The following TRIM67 variants were observed in gnomAD, a reference collection of about 807,000 sequenced individuals.
TRIM67 encodes the protein tripartite motif containing 67, also known as tripartite motif-containing protein 67.
TRIM67 carries 39 observed loss-of-function variants against 71.0 expected under a neutral mutation model. The observed-to-expected ratio is 0.55, with a 90% CI of 0.43 to 0.72. TRIM67 has a LOEUF of 0.72. Among genes scored for constraint, TRIM67 ranks in the 30% least tolerant of loss-of-function variants. TRIM67 has a pLI of 0.00. For missense variants in TRIM67, 973 were observed against 1,079.2 expected (o/e 0.90, Z 1.38); for synonymous variants, 481 against 473.9 (o/e 1.01, Z -0.19).
intron 8 of TRIM67, among the ~76,000 whole-genome samples, chr1:231,210,822 T>G (rs1015201297): frequency 1.3e-5 from 2 of 151,778 alleles, no homozygotes; most frequent in Non-Finnish European, 2.9e-5. Context: ...GAAGGATTGC[T>G]TGAGCCCAGG....
intron 1 of TRIM67, among the ~76,000 whole-genome samples, chr1:231,178,442 G>C (rs1682812412): frequency 6.6e-6 from 1 of 152,212 alleles, no homozygotes; most frequent in Admixed American, 6.5e-5. Context: ...TTCAATAAAA[G>C]AAAGCCACTA....
chr1:231,168,568 T>A (rs113920588), intron 1 of TRIM67, among the ~76,000 whole-genome samples: 5,959 of 152,328 alleles, frequency 0.039, 195 homozygotes, highest in African/African-American at 0.09. Flanking sequence ...CAATTAAAAA[T>A]TCACGTGGAT....
At chr1:231,198,577 G>T (rs1485026053) in intron 2 of TRIM67, among the ~76,000 whole-genome samples, 1 of 152,122 alleles carries the variant, frequency 6.6e-6, no homozygotes, top group African/African-American at 2.4e-5. Flanking sequence ...GTGGGGACGG[G>T]GTTTCTCCAT....
chr1:231,172,462 T>C (rs917848949), intron 1 of TRIM67, among the ~76,000 whole-genome samples: 32 of 152,174 alleles, frequency 2.1e-4, no homozygotes, highest in African/African-American at 7.7e-4. Context: ...ATTTTACATA[T>C]GGCTACAGTG....
intron 1 of TRIM67, chr1:231,184,967 A>C (rs1683021052): frequency 2.0e-6 from 3 of 1,480,758 alleles, no homozygotes; most frequent in African/African-American, 1.4e-5. Flanking sequence ...TTGCTGGATA[A>C]ACACCCAGCA....
At chr1:231,196,810 C>T in intron 1 of TRIM67, among the ~76,000 whole-genome samples, 1 of 152,292 alleles carries the variant, frequency 6.6e-6, no homozygotes, top group African/African-American at 2.4e-5. Context: ...GGGTACCAGG[C>T]TAGGAGCCTG....
chr1:231,163,710 G>A lies in TRIM67; in HGVS notation c.741G>A (p.Lys247=). 6.6e-7 allele frequency: 1 copy of A among 1,505,452 alleles called. No homozygotes were observed. The highest frequency in any genetic ancestry group is 8.9e-7 in the Non-Finnish European group (1 of 1,128,574). The allele number at this position is 1,505,452 out of a possible 1,614,324, so 93.3% of individuals were successfully genotyped here. Residue 247 remains lysine (K), a synonymous_variant, in exon 1 of 10, where the codon AAG becomes AAA. Transcript: ENST00000366653. ...ATCCATCCCGGGGACCCTTCGCCAA[G>A]CATCGCCTGGTGCAGCCGCCGCCGC... ...KCHPSRGPFA[K]HRLVQPPPPP...
At chr1:231,206,009 C>A (rs908623712) in intron 6 of TRIM67, among the ~76,000 whole-genome samples, 3 of 152,224 alleles carry the variant, frequency 2.0e-5, no homozygotes, top group African/African-American at 4.8e-5. Context: ...CTCGCCGCCT[C>A]GCAGGCAGAG....
intron 1 of TRIM67, among the ~76,000 whole-genome samples, chr1:231,164,279 T>TAGGCACAGGGCACCCAAAACGC (rs1682390576): frequency 6.6e-6 from 1 of 152,220 alleles, no homozygotes; most frequent in African/African-American, 2.4e-5. Context: ...AGGATTTATG[T>TAGGCACAGGGCACCCAAAACGC]AGGCACAGGG....
chr1:231,176,050 G>A (rs2102720662), intron 1 of TRIM67, among the ~76,000 whole-genome samples: 1 of 152,312 alleles, frequency 6.6e-6, no homozygotes, highest in Non-Finnish European at 1.5e-5. Flanking sequence ...CCCAGTTAAA[G>A]CTGTTCAATT....
At chr1:231,177,049 A>G (rs1376938335) in intron 1 of TRIM67, among the ~76,000 whole-genome samples, 2 of 152,184 alleles carry the variant, frequency 1.3e-5, no homozygotes, top group African/African-American at 4.8e-5. Context: ...GGGCAGGGAT[A>G]TGGACTTACT....
At chr1:231,171,802 C>CA (rs1457719103) in intron 1 of TRIM67, among the ~76,000 whole-genome samples, 1 of 151,946 alleles carries the variant, frequency 6.6e-6, no homozygotes, top group Non-Finnish European at 1.5e-5. Context: ...AATGATTTTG[C>CA]AAAAAAACAA....
At chr1:231,188,936 T>C (rs903150287) in intron 1 of TRIM67, among the ~76,000 whole-genome samples, 1 of 152,296 alleles carries the variant, frequency 6.6e-6, no homozygotes, top group Non-Finnish European at 1.5e-5. Flanking sequence ...AAAATGACAT[T>C]GTTCTCCACA....
intron 5 of TRIM67, 124 bp from the exon 6 acceptor site, chr1:231,203,743 C>T: frequency 7.7e-7 from 1 of 1,294,872 alleles, no homozygotes. Context: ...ACAGGGTGGC[C>T]AGGGAGGGAA....
intron 1 of TRIM67, among the ~76,000 whole-genome samples, chr1:231,190,913 CTG>C (rs1683214526): frequency 6.6e-6 from 1 of 152,216 alleles, no homozygotes; most frequent in Non-Finnish European, 1.5e-5. Context: ...TCTCTCATCC[CTG>C]TGAGTCACCT....
At chr1:231,167,880 G>A (rs73114169) in intron 1 of TRIM67, among the ~76,000 whole-genome samples, 1 of 152,102 alleles carries the variant, frequency 6.6e-6, no homozygotes, top group African/African-American at 2.4e-5. Flanking sequence ...TATTAAAAGG[G>A]ATAATACATA....
chr1:231,197,649 A>T (rs1483254777), intron 2 of TRIM67, among the ~76,000 whole-genome samples, 183 bp downstream of exon 2: 2 of 152,198 alleles, frequency 1.3e-5, no homozygotes, highest in Non-Finnish European at 2.9e-5. Flanking sequence ...AACATGGAGA[A>T]ACCCGTCTCT....
intron 1 of TRIM67, among the ~76,000 whole-genome samples, chr1:231,191,255 G>A (rs909340479): frequency 6.6e-6 from 1 of 152,100 alleles, no homozygotes; most frequent in African/African-American, 2.4e-5. Flanking sequence ...GTAGTGACAG[G>A]GGTCTTGCTG....
rs1306023420 is a variant in TRIM67, at chr1:231,209,963, C to T, written c.2123+713C>T. On this transcript the variant is annotated intron_variant, in intron 8 of 9. Coordinates refer to ENST00000366653, the MANE Select transcript of TRIM67 (RefSeq NM_001004342.5). The surrounding 1 kb of genome is among the most constrained non-coding windows in gnomAD (Gnocchi z 4.1). Reference sequence around the variant, plus strand: ...CTGAGGCCTGGGCTTCTCTAGGGTGCCTTGGTCTCTCTCCTCAGACACAAA... The same window carrying T: ...CTGAGGCCTGGGCTTCTCTAGGGTGTCTTGGTCTCTCTCCTCAGACACAAA... 6.6e-6 allele frequency among the ~76,000 whole-genome samples: 1 copy of T among 152,114 alleles called. No individual in the cohort carries two copies. Among genetic ancestry groups the T allele is most frequent in the African/African-American group, 2.4e-5 (1 of 41,424 alleles).
Sources: gnomAD v4.1 joint callset for allele counts (sites outside exome capture counted in the v4.1 genomes callset) on GRCh38, gnomAD v4.1.1 for gene constraint, Gnocchi (gnomAD v3.1) non-coding constraint, MANE v1.5 for transcripts, NCBI Gene and HGNC (gene_info 2026-07-23, HGNC 2026-07-21) for gene names.